MED16: variants seen among roughly 807,000 people sequenced by gnomAD.
The protein encoded by MED16 is mediator of RNA polymerase II transcription subunit 16.
In MED16, 81 loss-of-function variants were observed where a neutral mutation model predicts 84.4. That is an observed-to-expected ratio of 0.96 (90% confidence interval 0.80 to 1.15). The LOEUF (loss-of-function observed/expected upper bound fraction) is 1.15. MED16 is among the 50% of genes most tolerant of loss of function. The pLI is 0.00. For missense variants in MED16, 1,585 were observed against 1,245.9 expected (o/e 1.27, Z -4.10); for synonymous variants, 897 against 552.2 (o/e 1.62, Z -8.76).
intron 8 of MED16, among the ~76,000 whole-genome samples, chr19:877,434 T>C (rs1568325419): frequency 6.6e-6 from 1 of 152,108 alleles, no homozygotes; most frequent in Non-Finnish European, 1.5e-5. Flanking sequence ...CTTACACTCG[T>C]CTGCTTTACC....
intron 13 of MED16, among the ~76,000 whole-genome samples, chr19:869,576 C>T (rs1301910548): frequency 2.0e-5 from 3 of 152,154 alleles, no homozygotes; most frequent in South Asian, 4.1e-4. Flanking sequence ...CATTAGGAGG[C>T]CCCTCCCACA....
rs1339148598 is a variant in MED16, at chr19:875,316, G to A, written c.1699C>T (p.His567Tyr). ...CTCTTGTCAGGCGTGTTGAGAAAGT[G>A]GGGGCGCAGCAGCGACTTCAGGGTG... ...SSTLKSLLRP[H>Y]FLNTPDKSPG... The change falls in exon 10 of 16, where the codon CAC (histidine) becomes TAC (tyrosine). Residue 567 changes from histidine to tyrosine, a missense_variant. Coordinates refer to ENST00000325464, the MANE Select transcript of MED16 (RefSeq NM_005481.3). 1.9e-6 allele frequency: 3 copies of A among 1,610,956 alleles called. No individual in the cohort carries two copies. Among genetic ancestry groups the A allele is most frequent in the Admixed American group, 1.7e-5 (1 of 59,992 alleles).
intron 12 of MED16, chr19:871,495 A>C: frequency 6.7e-7 from 1 of 1,502,264 alleles, no homozygotes; most frequent in Non-Finnish European, 8.9e-7. Flanking sequence ...CATTCACTTA[A>C]AAAGTATGTG....
Position 890,198 on chromosome 19 carries a change from G to A in MED16, c.216C>T (p.Asp72=). The change falls in exon 3 of 16, where the codon GAC becomes GAT. Residue 72 remains aspartate, a synonymous_variant. Transcript: ENST00000325464. Reference sequence around the variant, plus strand: ...GGTGCTCTGAGGGGATCGAGTGCAGGTCCCAGGGGTGCTCCGTGTCCAGGA... The same window carrying A: ...GGTGCTCTGAGGGGATCGAGTGCAGATCCCAGGGGTGCTCCGTGTCCAGGA... ...IHILDTEHPW[D]LHSIPSEHHE... The A allele has an allele frequency of 6.4e-7, 1 of 1,555,032 alleles. No individual in the cohort carries two copies. Among genetic ancestry groups the A allele is most frequent in the Non-Finnish European group, 8.7e-7 (1 of 1,149,206 alleles).
At chr19:873,246 GTGGGA>G (rs2036138014) in intron 11 of MED16, among the ~76,000 whole-genome samples, 198 bp downstream of exon 11, 2 of 145,290 alleles carry the variant, frequency 1.4e-5, no homozygotes, top group African/African-American at 2.5e-5. Context: ...CCAAGTAGGG[GTGGGA>G]CTCCAACCAG....
At chr19:882,143 C>T (rs950386034) in intron 6 of MED16, among the ~76,000 whole-genome samples, 5 of 152,274 alleles carry the variant, frequency 3.3e-5, no homozygotes, top group Non-Finnish European at 7.3e-5. Flanking sequence ...CGCTGCCTGA[C>T]AGCCCCTGCG....
chr19:885,782 G>A lies in MED16; in HGVS notation c.867C>T (p.Asp289=). ...AITHLKFLAR[D]MSEQVLLCAS... is the part of the protein sequence containing the mutation. ...TGCGCCCGTTCACCTGCTCCGACAT[G>A]TCCCGGGCCAGGAACTTGAGGTGGG... Residue 289 remains aspartate (D), a synonymous_variant, in exon 5 of 16, where the codon GAC becomes GAT. Transcript: ENST00000325464. 6.2e-7 allele frequency: 1 copy of A among 1,609,406 alleles called. No homozygotes were observed. Among genetic ancestry groups the A allele is most frequent in the Non-Finnish European group, 8.5e-7 (1 of 1,179,658 alleles).
Position 886,106 on chromosome 19 carries a change from C to T in MED16, c.543G>A (p.Ala181=), listed in dbSNP as rs745687807. 6 of 1,588,100 alleles carry T rather than the reference C, an allele frequency of 3.8e-6. No individual in the cohort carries two copies. Among genetic ancestry groups the T allele is most frequent in the African/African-American group, 1.3e-5 (1 of 74,672 alleles). The change falls in exon 5 of 16, where the codon GCG becomes GCA. Residue 181 remains alanine, a synonymous_variant. Transcript: ENST00000325464. ...FGGKPMEGWI[A]VTVSGLVTVS... ...CGGTGACCAGGCCGCTGACCGTCAC[C>T]GCGATCCAGCCCTCCATGGGCTTGC...
chr19:889,760 T>C lies in MED16; in HGVS notation c.325A>G (p.Ser109Gly), dbSNP rs775288886. Reference sequence around the variant, plus strand: ...CTATTAGCCAGGTGGTCCGCCATGCTCCAGCACTTGATCTGCCCGTCGGCA... The same window carrying C: ...CTATTAGCCAGGTGGTCCGCCATGCCCCAGCACTTGATCTGCCCGTCGGCA... The part of the protein sequence containing the change: ...ADADGQIKCW[S>G]MADHLANSWE... Residue 109 changes from serine (S) to glycine (G), a missense_variant, in exon 4 of 16, where the codon AGC becomes GGC. Coordinates refer to ENST00000325464, the MANE Select transcript of MED16 (RefSeq NM_005481.3). The C allele has an allele frequency of 6.2e-7, 1 of 1,613,332 alleles. No homozygotes were observed. The highest frequency in any genetic ancestry group is 1.1e-5 in the South Asian group (1 of 90,968).
rs201531363 is a variant in MED16 at position 868,897 on chromosome 19, C to T, written c.2365G>A (p.Ala789Thr). ...GCCTTGCATTCCTCCGTGGGGCAAG[C>T]GCCAAGGTGCAGCCTCCGCAGGTGG... ...IDHLRRLHLG[A>T]CPTEECKACT... The change falls in exon 14 of 16, where the codon GCT (alanine) becomes ACT (threonine). Residue 789 changes from alanine (A) to threonine (T), a missense_variant. Ala to Thr is a moderately conservative substitution (Grantham distance 58). Coordinates refer to ENST00000325464, the MANE Select transcript of MED16 (RefSeq NM_005481.3). 4.7e-4 allele frequency: 726 copies of T among 1,551,506 alleles called. 6 individuals are homozygous for T. Among genetic ancestry groups the T allele is most frequent in the Middle Eastern group, 2.0e-3 (12 of 5,874 alleles).
At chr19:875,982 G>A (rs1240159427) in intron 9 of MED16, among the ~76,000 whole-genome samples, 1 of 152,136 alleles carries the variant, frequency 6.6e-6, no homozygotes, top group African/African-American at 2.4e-5. Context: ...AAAATGAAAC[G>A]CTTGGCACAC....
At chr19:884,663 T>C (rs1225414175) in intron 6 of MED16, among the ~76,000 whole-genome samples, 2 of 152,078 alleles carry the variant, frequency 1.3e-5, no homozygotes, top group African/African-American at 2.4e-5. Flanking sequence ...CACAGAATGG[T>C]GGCAGCCGCC....
At chr19:888,741 C>T (rs112659372) in intron 4 of MED16, among the ~76,000 whole-genome samples, 2,768 of 152,242 alleles carry the variant, frequency 0.018, 74 homozygotes, top group African/African-American at 0.062. Flanking sequence ...CCGGAGGGCC[C>T]CCGTGGCACG....
chr19:873,929 C>A (rs985855329), intron 10 of MED16, among the ~76,000 whole-genome samples: 2 of 152,162 alleles, frequency 1.3e-5, no homozygotes, highest in Non-Finnish European at 2.9e-5. Context: ...AACACAGGGG[C>A]ATGTCCACAG....
chr19:887,674 T>A (rs1161833313), intron 4 of MED16, among the ~76,000 whole-genome samples: 1 of 151,202 alleles, frequency 6.6e-6, no homozygotes, highest in Non-Finnish European at 1.5e-5. Flanking sequence ...TCAAAAAAAA[T>A]GTATTTGGTT....
chr19:875,251 G>A lies in MED16; in HGVS notation c.1764C>T (p.Thr588=), dbSNP rs141601240. The A allele has an allele frequency of 4.4e-4, 699 of 1,606,316 alleles. No individual in the cohort carries two copies. Among genetic ancestry groups the A allele is most frequent in the Non-Finnish European group, 5.1e-4 (605 of 1,176,242 alleles). Residue 588 remains threonine, a synonymous_variant, in exon 10 of 16, where the codon ACC becomes ACT. Transcript: ENST00000325464. Reference sequence around the variant, plus strand: ...GCGTGGAAAAGGACCCACCGACGTCGGTGATCTTGGTGCAGATCTCGGTCA... The same window carrying A: ...GCGTGGAAAAGGACCCACCGACGTCAGTGATCTTGGTGCAGATCTCGGTCA... ...DRLTEICTKI[T]DVDIDKVMIN...
At chr19:875,527 G>A (rs2036211049) in intron 9 of MED16, 73 bp from the exon 10 acceptor site, 3 of 1,263,840 alleles carry the variant, frequency 2.4e-6, no homozygotes, top group Non-Finnish European at 1.1e-6. Context: ...CTGAGGAGAA[G>A]AGCAGTTCGA....
rs553768614 is a variant in MED16 at position 892,872 on chromosome 19, T to TGAGCCCC, written c.-19+207_-19+213dup. On this transcript the variant is annotated intron_variant, in intron 1 of 15. Transcript: ENST00000325464. ...TCCCCCAGGTTTCCGCCGCAAACCC[T>TGAGCCCC]GAGCCCCGAGCCCCGCGCCCCGCGC... 93 of 103,064 alleles carry TGAGCCCC rather than the reference T, an allele frequency of 9.0e-4. 1 individual carries two copies. Among genetic ancestry groups the TGAGCCCC allele is most frequent in the African/African-American group, 2.1e-3 (56 of 27,026 alleles). The allele number at this position is 103,064 out of a possible 1,614,324, so 6.4% of individuals were successfully genotyped here. A position where few individuals can be genotyped will look rare whatever the true frequency, so the allele number is the denominator to read the frequency against.
intron 12 of MED16, 158 bp downstream of exon 12, chr19:871,768 G>A (rs576938391): frequency 8.9e-5 from 42 of 469,928 alleles, no homozygotes; most frequent in South Asian, 2.1e-4. Context: ...AGAGGGGAGC[G>A]GGGAGAGGGG....
Sources: allele counts gnomAD v4.1 joint callset (sites outside exome capture counted in the v4.1 genomes callset), GRCh38; gene constraint gnomAD v4.1.1; transcripts MANE v1.5; gene names NCBI Gene and HGNC (gene_info 2026-07-23, HGNC 2026-07-21).